Variants in RIT2 observed in about 807,000 individuals in gnomAD.
RIT2 encodes Ras like without CAAX 2.
A neutral mutation model predicts 23.7 loss-of-function variants in RIT2; 24 were observed. That is an observed-to-expected ratio of 1.01 (90% CI 0.73 to 1.43). The LOEUF (loss-of-function observed/expected upper bound fraction) is 1.43, where lower values mean the gene tolerates loss of function less well. RIT2 is among the 40% of genes most tolerant of loss of function. The probability of loss-of-function intolerance (pLI) is 0.00; values close to 1 mark genes in which losing one functional copy is unlikely to be tolerated. For missense variants in RIT2, 236 were observed against 266.9 expected, an observed-to-expected ratio of 0.88 and a Z score of 0.81; for synonymous variants, 107 against 91.1, an observed-to-expected ratio of 1.17 and a Z score of -0.99.
Position 42,768,015 on chromosome 18 carries a change from A to G in RIT2, c.427-24295T>C, listed in dbSNP as rs539344877. Among the ~76,000 whole-genome samples, 28 of 152,230 alleles carry G rather than the reference A, an allele frequency of 1.8e-4. No individual in the cohort carries two copies. In the South Asian group the frequency reaches 5.8e-3, roughly 32 times the overall value. On this transcript the variant is annotated intron_variant, in intron 4 of 4. Transcript: ENST00000326695. ...GTATGTCTTTATCAGCAGTGTGAAA[A>G]CAAACTAATACAATACATATGTATA... is the stretch of plus-strand genomic sequence containing the variant.
chr18:43,044,023 C>T (rs1051000607), intron 1 of RIT2, among the ~76,000 whole-genome samples: 1 of 152,094 alleles, frequency 6.6e-6, no homozygotes, highest in African/African-American at 2.4e-5. Context: ...AGCACCTAGG[C>T]AGCCAAGCTG....
chr18:43,109,904 G>A (rs906175723), intron 1 of RIT2, among the ~76,000 whole-genome samples: 1 of 152,108 alleles, frequency 6.6e-6, no homozygotes, highest in East Asian at 1.9e-4. Flanking sequence ...GTTCTCATCT[G>A]ACATTGGGAA....
At chr18:43,074,505 A>G (rs569355205) in intron 1 of RIT2, among the ~76,000 whole-genome samples, 1 of 152,308 alleles carries the variant, frequency 6.6e-6, no homozygotes, top group South Asian at 2.1e-4. Flanking sequence ...TTTTATGGAT[A>G]CCTAATTTAC....
intron 1 of RIT2, among the ~76,000 whole-genome samples, chr18:43,036,728 A>AGCT (rs368401850): frequency 0.01 from 1,570 of 152,304 alleles, 14 homozygotes; most frequent in African/African-American, 0.026. Flanking sequence ...GAGCCAGCTG[A>AGCT]GCTTTGTTTC....
At chr18:43,080,297 A>G (rs1315675846) in intron 1 of RIT2, among the ~76,000 whole-genome samples, 1 of 152,214 alleles carries the variant, frequency 6.6e-6, no homozygotes, top group East Asian at 1.9e-4. Flanking sequence ...AGGTCAATAC[A>G]GGTTGTATAT....
intron 4 of RIT2, among the ~76,000 whole-genome samples, chr18:42,887,328 T>C (rs1455101265): frequency 6.6e-6 from 1 of 152,206 alleles, no homozygotes; most frequent in Non-Finnish European, 1.5e-5. Flanking sequence ...AAAAACATCA[T>C]GTTATTTAAG....
chr18:43,049,666 G>T (rs1262189086), intron 1 of RIT2, among the ~76,000 whole-genome samples: 2 of 152,222 alleles, frequency 1.3e-5, no homozygotes, highest in East Asian at 1.9e-4. Context: ...CTCTGAGAAG[G>T]CAGGACATCC....
At chr18:43,103,691 C>A (rs971737026) in intron 1 of RIT2, among the ~76,000 whole-genome samples, 1 of 152,146 alleles carries the variant, frequency 6.6e-6, no homozygotes, top group South Asian at 2.1e-4. Context: ...AAAATAACTT[C>A]GTGATTGGGG....
intron 4 of RIT2, among the ~76,000 whole-genome samples, chr18:42,891,762 G>A (rs1010669443): frequency 6.6e-6 from 1 of 152,068 alleles, no homozygotes; most frequent in Non-Finnish European, 1.5e-5. Context: ...TGAATAAGCA[G>A]GGCACAGGTG....
At chr18:42,920,833 G>A in intron 4 of RIT2, 1 of 998,772 alleles carries the variant, frequency 1.0e-6, no homozygotes. Flanking sequence ...TAGCACCAGT[G>A]TAATTTCACC....
chr18:42,875,272 AC>A (rs1399013479), intron 4 of RIT2, among the ~76,000 whole-genome samples: 1 of 147,440 alleles, frequency 6.8e-6, no homozygotes, highest in East Asian at 2.0e-4. Context: ...TTTTGACTTT[AC>A]CCCTCGGGCA....
intron 4 of RIT2, among the ~76,000 whole-genome samples, chr18:42,904,007 A>C (rs1007568563): frequency 6.6e-6 from 1 of 152,142 alleles, no homozygotes; most frequent in Non-Finnish European, 1.5e-5. Context: ...TTGCCCTACA[A>C]AATAGCGGTA....
chr18:42,859,482 T>C (rs1322453007), intron 4 of RIT2, among the ~76,000 whole-genome samples: 1 of 152,202 alleles, frequency 6.6e-6, no homozygotes, highest in East Asian at 1.9e-4. Flanking sequence ...ATTTTTCCAA[T>C]ATTTTCTTTC....
intron 3 of RIT2, among the ~76,000 whole-genome samples, chr18:42,932,410 G>T (rs1197351042): frequency 2.0e-5 from 3 of 152,028 alleles, no homozygotes; most frequent in Non-Finnish European, 4.4e-5. Context: ...GTCTCCAAAG[G>T]TCCAGTGGTT....
At chr18:42,978,113 A>C (rs1211633460) in intron 2 of RIT2, among the ~76,000 whole-genome samples, 3 of 151,974 alleles carry the variant, frequency 2.0e-5, no homozygotes, top group African/African-American at 7.2e-5. Context: ...AGCCCCAAAG[A>C]AGAGCCTGCT....
intron 2 of RIT2, among the ~76,000 whole-genome samples, chr18:43,007,064 T>C (rs1307260219): frequency 6.6e-6 from 1 of 151,652 alleles, no homozygotes; most frequent in African/African-American, 2.4e-5. Flanking sequence ...AGATTTTATA[T>C]CATGCAAACT....
chr18:42,820,925 T>C (rs1032909578), intron 4 of RIT2, among the ~76,000 whole-genome samples: 5 of 152,256 alleles, frequency 3.3e-5, no homozygotes, highest in Non-Finnish European at 7.4e-5. Flanking sequence ...GGTGGATCCT[T>C]CATGAATGAC....
intron 4 of RIT2, among the ~76,000 whole-genome samples, chr18:42,858,872 C>T (rs1273813909): frequency 1.3e-5 from 2 of 152,124 alleles, no homozygotes; most frequent in African/African-American, 2.4e-5. Flanking sequence ...CATGTTGTAC[C>T]ATTTATCAGT....
intron 1 of RIT2, among the ~76,000 whole-genome samples, chr18:43,058,563 A>G (rs1238919801): frequency 6.6e-6 from 1 of 152,086 alleles, no homozygotes; most frequent in Non-Finnish European, 1.5e-5. Flanking sequence ...TAAACATCAC[A>G]CTGTCATTGA....
Sources: gnomAD v4.1 joint callset for allele counts (sites outside exome capture counted in the v4.1 genomes callset) on GRCh38, gnomAD v4.1.1 for gene constraint, MANE v1.5 for transcripts, NCBI Gene and HGNC (gene_info 2026-07-23, HGNC 2026-07-21) for gene names.